The following KDM4A variants were observed in gnomAD, a reference collection of about 807,000 sequenced individuals.
The protein encoded by KDM4A is lysine-specific demethylase 4A.
KDM4A carries 23 observed loss-of-function variants against 127.1 expected under a neutral mutation model. The observed-to-expected ratio is 0.18, with a 90% CI of 0.13 to 0.26. KDM4A has a LOEUF of 0.26. KDM4A is among the 10% of genes least tolerant of loss of function. KDM4A has a pLI of 1.00. For missense variants in KDM4A, 890 were observed against 1,329.1 expected, an observed-to-expected ratio of 0.67 and a Z score of 5.14; for synonymous variants, 443 against 466.5, an observed-to-expected ratio of 0.95 and a Z score of 0.65.
rs771264885 is a variant in KDM4A, at chr1:43,691,065, C to T, written c.2242+16C>T. ...GTCCATGCCAGTGAGTGCTGCTCACCTTTCTCTGTGTCCTGTCCCAGGAGT... is the reference window on the plus strand; with the variant it reads ...GTCCATGCCAGTGAGTGCTGCTCACTTTTCTCTGTGTCCTGTCCCAGGAGT... On this transcript the variant is annotated intron_variant, in intron 14 of 21. Transcript: ENST00000372396. 9.9e-6 allele frequency: 16 copies of T among 1,612,910 alleles called. No homozygotes were observed. The African/African-American group carries it at 1.7e-4, about 17-fold the overall frequency.
intron 10 of KDM4A, among the ~76,000 whole-genome samples, chr1:43,670,017 T>A (rs941007348): frequency 2.6e-5 from 4 of 152,050 alleles, no homozygotes; most frequent in African/African-American, 9.7e-5. Context: ...TTTCCCTCAA[T>A]TGAATATTAG....
chr1:43,689,108 C>T lies in KDM4A; in HGVS notation c.2037+13C>T. 1.9e-6 allele frequency: 3 copies of T among 1,612,948 alleles called. No homozygotes were observed. The highest frequency in any genetic ancestry group is 2.5e-6 in the Non-Finnish European group (3 of 1,179,132). On this transcript the variant is annotated intron_variant, in intron 13 of 21. Transcript: ENST00000372396. ...GACTTATCATCAGGTAACCCAGCTCCATGCACTCTGTTTACCCAGGACCAG... is the reference window on the plus strand; with the variant it reads ...GACTTATCATCAGGTAACCCAGCTCTATGCACTCTGTTTACCCAGGACCAG...
intron 3 of KDM4A, among the ~76,000 whole-genome samples, chr1:43,658,015 A>G (rs1236962562): frequency 6.7e-6 from 1 of 148,992 alleles, no homozygotes; most frequent in African/African-American, 2.5e-5. Flanking sequence ...AACCAGCCCT[A>G]TGTCTATTCC....
In KDM4A at chr1:43,690,835, T is replaced by C. The variant is rs1661091487; in HGVS notation, c.2038-10T>C. On this transcript the variant is annotated splice_polypyrimidine_tract_variant and intron_variant, in intron 13 of 21. Transcript: ENST00000372396. ...GCTCACTGAGGTGTACACTTGTTCT[T>C]TCCCCTTAGGTTGAATTTGGAGGCT... is the stretch of plus-strand genomic sequence containing the variant. 2 of 1,613,932 alleles carry C rather than the reference T, an allele frequency of 1.2e-6. 1 individual carries two copies. Among genetic ancestry groups the C allele is most frequent in the African/African-American group, 2.7e-5 (2 of 74,928 alleles).
chr1:43,663,187 C>A (rs754082898), intron 5 of KDM4A, 100 bp downstream of exon 5: 58 of 1,037,640 alleles, frequency 5.6e-5, no homozygotes, highest in Non-Finnish European at 7.9e-5. Context: ...AAAGGGCAGA[C>A]CCTGGTTCAG....
rs1661031042 is a variant in KDM4A, at chr1:43,688,176, G to C, written c.1856-738G>C. Among the ~76,000 whole-genome samples the C allele has an allele frequency of 6.6e-6, 1 of 152,118 alleles. No individual in the cohort carries two copies. The highest frequency in any genetic ancestry group is 1.5e-5 in the Non-Finnish European group (1 of 68,020). ...TGAGCTATGATCGCACATGTAAATAGCCACTGTACTCCAGCCTGGGCAACA... is the reference window on the plus strand; with the variant it reads ...TGAGCTATGATCGCACATGTAAATACCCACTGTACTCCAGCCTGGGCAACA... On this transcript the variant is annotated intron_variant, in intron 12 of 21. Transcript: ENST00000372396. This position sits in a 1 kb window ranked among gnomAD's most constrained non-coding sequence, Gnocchi z 4.4.
intron 11 of KDM4A, among the ~76,000 whole-genome samples, chr1:43,673,173 C>T (rs978420575): frequency 3.3e-5 from 5 of 152,094 alleles, no homozygotes; most frequent in African/African-American, 1.2e-4. Context: ...CCCCCACTAC[C>T]CAAGTGACTT....
chr1:43,679,928 C>T (rs570986006), intron 11 of KDM4A, among the ~76,000 whole-genome samples: 2 of 152,254 alleles, frequency 1.3e-5, no homozygotes, highest in Non-Finnish European at 2.9e-5. Flanking sequence ...GCTATCCCGC[C>T]CTGTCTGCAA....
At chr1:43,703,860 G>C in intron 20 of KDM4A, 124 bp downstream of exon 20, 1 of 1,399,748 alleles carries the variant, frequency 7.1e-7, no homozygotes, top group Non-Finnish European at 9.9e-7. Flanking sequence ...TTCAGAGCTA[G>C]GGGTCTGCCC....
intron 15 of KDM4A, among the ~76,000 whole-genome samples, chr1:43,691,783 T>C (rs1387239806): frequency 2.0e-5 from 3 of 152,184 alleles, no homozygotes; most frequent in Non-Finnish European, 2.9e-5. Flanking sequence ...TTTGCTCCAT[T>C]GTGGAAAGAC....
At chr1:43,702,229 A>G (rs763485839) in intron 19 of KDM4A, 1 of 152,244 alleles carries the variant, frequency 6.6e-6, no homozygotes, top group Non-Finnish European at 1.5e-5. Flanking sequence ...CATTTTCAGA[A>G]GTGCTGTTAT....
Position 43,705,144 on chromosome 1 carries a change from G to A in KDM4A, c.*774G>A, listed in dbSNP as rs965957307. The A allele has an allele frequency of 1.3e-5, 2 of 152,240 alleles. No individual in the cohort carries two copies. The highest frequency in any genetic ancestry group is 2.9e-5 in the Non-Finnish European group (2 of 68,056). The allele number at this position is 152,240 out of a possible 1,614,324, so 9.4% of individuals were successfully genotyped here. A position where few individuals can be genotyped will look rare whatever the true frequency, so the allele number is the denominator to read the frequency against. On this transcript the variant is annotated 3_prime_UTR_variant, in exon 22 of 22. Coordinates refer to ENST00000372396, the MANE Select transcript of KDM4A (RefSeq NM_014663.3). ...GTGGGTGGGGATTACCCTGAATCGG[G>A]GATTTTAATGATGGAAGCAGGCAGA...
At chr1:43,696,346 C>T (rs894262799) in intron 18 of KDM4A, among the ~76,000 whole-genome samples, 1 of 152,116 alleles carries the variant, frequency 6.6e-6, no homozygotes, top group Non-Finnish European at 1.5e-5. Flanking sequence ...ATAGAAGAGG[C>T]GATCATACAA....
chr1:43,694,202 G>A lies in KDM4A; in HGVS notation c.2484+100G>A. ...CCCCTTGGTTTTGGTTAGAGTTTGT[G>A]ATTCTCACTCTGTGGTTAGATTCCT... On this transcript the variant is annotated intron_variant, in intron 17 of 21. Coordinates refer to ENST00000372396, the MANE Select transcript of KDM4A (RefSeq NM_014663.3). The surrounding 1 kb of genome is among the most constrained non-coding windows in gnomAD (Gnocchi z 5.2). The A allele has an allele frequency of 1.1e-6, 1 of 898,114 alleles. No homozygotes were observed. The highest frequency in any genetic ancestry group is 1.7e-6 in the Non-Finnish European group (1 of 572,888). 55.6% of individuals were successfully genotyped at this position (898,114 alleles called of 1,614,324 possible). A position where few individuals can be genotyped will look rare whatever the true frequency, so the allele number is the denominator to read the frequency against.
chr1:43,690,527 C>T (rs1661084186), intron 13 of KDM4A: 4 of 394,106 alleles, frequency 1.0e-5, no homozygotes, highest in South Asian at 4.6e-5. Flanking sequence ...GAATTACAGG[C>T]GTGAGCCACC....
intron 5 of KDM4A, among the ~76,000 whole-genome samples, 190 bp from the exon 6 acceptor site, chr1:43,665,506 T>C (rs1205114998): frequency 6.6e-6 from 1 of 152,080 alleles, no homozygotes. Flanking sequence ...ATAAATTCAC[T>C]CACCTTCTTT....
Position 43,667,168 on chromosome 1 carries a change from T to C in KDM4A, c.915+77T>C, listed in dbSNP as rs983167460. 5 of 1,524,992 alleles carry C rather than the reference T, an allele frequency of 3.3e-6. No homozygotes were observed. In the South Asian group the frequency reaches 3.4e-5, roughly 10 times the overall value. 94.5% of individuals were successfully genotyped at this position (1,524,992 alleles called of 1,614,324 possible). On this transcript the variant is annotated intron_variant, in intron 8 of 21. Coordinates refer to ENST00000372396, the MANE Select transcript of KDM4A (RefSeq NM_014663.3). ...CTGGTTAGATACGTTGGCTGGTGAT[T>C]AGAGTATTTCTTTGAGCTGCTGGAA...
chr1:43,698,215 G>T (rs3815268), intron 19 of KDM4A, among the ~76,000 whole-genome samples: 47,424 of 152,114 alleles, frequency 0.31, 9,037 homozygotes, highest in East Asian at 0.49. Flanking sequence ...ATTTTCCCTA[G>T]AAGTACCTGG....
rs536782323 is a variant in KDM4A at position 43,660,448 on chromosome 1, T to C, written c.429+36T>C. ...CTGGAAACCCTCTGTGCAGTGTTTT[T>C]GTAATTTTGTAATACCTTTTTTTCG... On this transcript the variant is annotated intron_variant, in intron 4 of 21. Coordinates refer to ENST00000372396, the MANE Select transcript of KDM4A (RefSeq NM_014663.3). 5 of 1,554,906 alleles carry C rather than the reference T, an allele frequency of 3.2e-6. No individual in the cohort carries two copies. In the South Asian group the frequency reaches 4.7e-5, roughly 14 times the overall value.
Sources: allele counts gnomAD v4.1 joint callset (sites outside exome capture counted in the v4.1 genomes callset), GRCh38; gene constraint gnomAD v4.1.1; non-coding constraint Gnocchi (gnomAD v3.1); transcripts MANE v1.5; gene names NCBI Gene and HGNC (gene_info 2026-07-23, HGNC 2026-07-21).